The following DOCK3 variants were observed in gnomAD, a reference collection of about 807,000 sequenced individuals.
DOCK3 encodes the protein dedicator of cytokinesis protein 3.
In DOCK3, 60 loss-of-function variants were observed where a neutral mutation model predicts 265.6. The observed-to-expected ratio is 0.23, with a 90% confidence interval of 0.18 to 0.28. The LOEUF (loss-of-function observed/expected upper bound fraction) is 0.28, where lower values mean the gene tolerates loss of function less well. DOCK3 is among the 10% of genes least tolerant of loss of function. DOCK3 has a pLI of 1.00. For synonymous variants in DOCK3, 881 were observed against 938.0 expected, an observed-to-expected ratio of 0.94 and a Z score of 1.11; for missense variants, 1,981 against 2,594.3, an observed-to-expected ratio of 0.76 and a Z score of 5.14.
At chr3:51,337,431 A>G (rs1452026559) in intron 35 of DOCK3, among the ~76,000 whole-genome samples, 1 of 152,174 alleles carries the variant, frequency 6.6e-6, no homozygotes, top group Non-Finnish European at 1.5e-5. Context: ...AAAGCCAAAG[A>G]CACTCTCCAA....
chr3:50,832,930 C>T (rs1452557334), intron 2 of DOCK3, among the ~76,000 whole-genome samples: 2 of 152,096 alleles, frequency 1.3e-5, no homozygotes, highest in African/African-American at 4.8e-5. Flanking sequence ...AATAAGTCTT[C>T]AATTTAAGAA....
intron 5 of DOCK3, among the ~76,000 whole-genome samples, chr3:50,992,104 G>T (rs116766616): frequency 2.9e-3 from 445 of 152,282 alleles, no homozygotes; most frequent in Non-Finnish European, 4.9e-3. Flanking sequence ...TGTTAAGAGG[G>T]AAATTCATAG....
intron 10 of DOCK3, among the ~76,000 whole-genome samples, chr3:51,148,815 T>C (rs2085426124): frequency 6.6e-6 from 1 of 152,208 alleles, no homozygotes; most frequent in Non-Finnish European, 1.5e-5. Flanking sequence ...AGGATTGTCT[T>C]GGCAATGTGG....
intron 2 of DOCK3, among the ~76,000 whole-genome samples, chr3:50,839,855 G>C (rs568624349): frequency 6.7e-6 from 1 of 150,062 alleles, no homozygotes; most frequent in Non-Finnish European, 1.5e-5. Flanking sequence ...TGCAACCTCT[G>C]CCTCCTGGGT....
At chr3:50,940,712 T>C (rs1454746565) in intron 5 of DOCK3, among the ~76,000 whole-genome samples, 1 of 151,894 alleles carries the variant, frequency 6.6e-6, no homozygotes, top group Admixed American at 6.6e-5. Context: ...CAAGGCAGAG[T>C]GGTACTGGCA....
At chr3:50,900,170 G>A (rs566959153) in intron 4 of DOCK3, among the ~76,000 whole-genome samples, 12 of 152,030 alleles carry the variant, frequency 7.9e-5, no homozygotes, top group African/African-American at 2.7e-4. Context: ...GGCGTTTTTC[G>A]TTTCTTTTCA....
At chr3:50,924,178 C>T (rs2050645847) in intron 4 of DOCK3, among the ~76,000 whole-genome samples, 1 of 152,134 alleles carries the variant, frequency 6.6e-6, no homozygotes, top group Admixed American at 6.5e-5. Context: ...AAAAAATTTG[C>T]AAGTGAGTCA....
At chr3:50,900,867 C>G (rs2049154386) in intron 4 of DOCK3, 2 of 419,006 alleles carry the variant, frequency 4.8e-6, no homozygotes, top group Admixed American at 2.7e-5. Flanking sequence ...AGAGGGGCAC[C>G]CACCAGATGC....
chr3:51,293,236 A>G (rs1211666934), intron 27 of DOCK3, among the ~76,000 whole-genome samples: 1 of 152,148 alleles, frequency 6.6e-6, no homozygotes, highest in Non-Finnish European at 1.5e-5. Flanking sequence ...ATATTACAAA[A>G]CTGTAGTGAT....
rs1244941561 is a variant in DOCK3, at chr3:50,883,314, G to A, written c.163-6712G>A. On this transcript the variant is annotated intron_variant, in intron 3 of 52. Transcript: ENST00000266037. ...ATATCTGTGAATGGCAAATAATCAC[G>A]CACAAGGAGAAGTTTTTTCTTTATA... Among the ~76,000 whole-genome samples the A allele has an allele frequency of 2.0e-5, 3 of 151,772 alleles. No homozygotes were observed. The East Asian group carries it at 5.8e-4, about 29-fold the overall frequency.
At position 51,381,188 on chromosome 3, in the gene DOCK3, C is replaced by T. The variant is rs370884641; in HGVS notation, c.5722C>T (p.Pro1908Ser). The T allele has an allele frequency of 5.0e-6, 8 of 1,613,794 alleles. No individual in the cohort carries two copies. The highest frequency in any genetic ancestry group is 6.8e-6 in the Non-Finnish European group (8 of 1,179,888). The part of the protein sequence containing the change: ...ESNFGHSSEA[P>S]PRTDTMDSMP... ...TAACTTTGGGCACTCCTCGGAGGCC[C>T]CACCTCGCACTGACACCATGGACTC... The change falls in exon 53 of 53, where the codon CCA becomes TCA. Residue 1908 changes from proline to serine, a missense_variant. Around this residue, in one of 4 missense-constraint regions of DOCK3, gnomAD observed 1,357 missense variants for 1,866.8 expected, o/e 0.73. Transcript: ENST00000266037. The surrounding 1 kb of genome is among the most constrained non-coding windows in gnomAD (Gnocchi z 5.6).
At chr3:50,733,506 C>T (rs752590653) in intron 1 of DOCK3, among the ~76,000 whole-genome samples, 3 of 152,234 alleles carry the variant, frequency 2.0e-5, no homozygotes, top group East Asian at 1.9e-4. Context: ...AATTTTTCAC[C>T]GAAGCCTATT....
At chr3:50,684,357 C>G (rs1374100615) in intron 1 of DOCK3, among the ~76,000 whole-genome samples, 1 of 152,152 alleles carries the variant, frequency 6.6e-6, no homozygotes, top group Admixed American at 6.5e-5. Context: ...AATTAAGATT[C>G]CAACCTAGTG....
chr3:51,298,531 G>T (rs1301873813), intron 27 of DOCK3, among the ~76,000 whole-genome samples: 2 of 152,014 alleles, frequency 1.3e-5, no homozygotes, highest in African/African-American at 4.8e-5. Flanking sequence ...AGCCCAGCAC[G>T]CATTAGCTAT....
At chr3:51,209,856 G>A (rs1040077507) in intron 13 of DOCK3, among the ~76,000 whole-genome samples, 1 of 152,232 alleles carries the variant, frequency 6.6e-6, no homozygotes, top group Non-Finnish European at 1.5e-5. Context: ...TAAAACCCTA[G>A]TGGGGTTTTG....
At chr3:50,850,937 C>G (rs1411062411) in intron 3 of DOCK3, among the ~76,000 whole-genome samples, 2 of 152,164 alleles carry the variant, frequency 1.3e-5, no homozygotes, top group African/African-American at 4.8e-5. Flanking sequence ...TAGACTGATT[C>G]ATGAAATACA....
Position 51,364,452 on chromosome 3 carries a change from C to G in DOCK3, c.5293+1778C>G, listed in dbSNP as rs191009288. ...ATTCTGTAGGTTGCCTTTTCACTCTCATGGTAGTTTCTTTTGCTGTGCAGA... is the reference window on the plus strand; with the variant it reads ...ATTCTGTAGGTTGCCTTTTCACTCTGATGGTAGTTTCTTTTGCTGTGCAGA... On this transcript the variant is annotated intron_variant, in intron 49 of 52. Transcript: ENST00000266037. Among the ~76,000 whole-genome samples the G allele has an allele frequency of 5.5e-4, 83 of 152,240 alleles. 1 individual carries two copies. The East Asian group carries it at 8.9e-3, about 16-fold the overall frequency.
rs1365717519 is a variant in DOCK3 at position 50,934,066 on chromosome 3, C to G, written c.304C>G (p.Gln102Glu). The change falls in exon 5 of 53, where the codon CAG becomes GAG. Residue 102 changes from glutamine to glutamate, a missense_variant. By Grantham distance (29) the Gln-to-Glu change is conservative. Coordinates refer to ENST00000266037, the MANE Select transcript of DOCK3 (RefSeq NM_004947.5). ...ACAAGAATGGGCAAGTTTGTGGAAA[C>G]AGTTGTATGTGGTAAGTAGTTGATT... ...TLQEWASLWK[Q>E]LYVKHKVDLF... is the part of the protein sequence containing the mutation. 1.2e-6 allele frequency: 2 copies of G among 1,608,104 alleles called. No individual in the cohort carries two copies. The highest frequency in any genetic ancestry group is 2.2e-5 in the East Asian group (1 of 44,782).
At chr3:50,779,528 C>T (rs1415625562) in intron 2 of DOCK3, among the ~76,000 whole-genome samples, 8 of 152,052 alleles carry the variant, frequency 5.3e-5, no homozygotes, top group African/African-American at 7.2e-5. Context: ...GGATTACAGG[C>T]GTCCACCACC....
Sources: allele counts gnomAD v4.1 joint callset (sites outside exome capture counted in the v4.1 genomes callset), GRCh38; gene constraint gnomAD v4.1.1; regional missense constraint gnomAD v4.1.1; non-coding constraint Gnocchi (gnomAD v3.1); transcripts MANE v1.5; gene names NCBI Gene and HGNC (gene_info 2026-07-23, HGNC 2026-07-21).